HHIPL2: variants seen among roughly 807,000 people sequenced by gnomAD.
HHIPL2 encodes the protein HHIP-like protein 2.
A neutral mutation model predicts 61.0 loss-of-function variants in HHIPL2; 61 were observed. The observed-to-expected ratio is 1.00, with a 90% CI of 0.81 to 1.24. The LOEUF is 1.24. Among genes scored for constraint, HHIPL2 ranks in the 50% most tolerant of loss-of-function variants. The probability of loss-of-function intolerance (pLI) is 0.00; values close to 1 mark genes in which losing one functional copy is unlikely to be tolerated. For synonymous variants in HHIPL2, 343 were observed against 357.4 expected (o/e 0.96, Z 0.45); for missense variants, 885 against 910.2 (o/e 0.97, Z 0.36).
intron 1 of HHIPL2, 100 bp downstream of exon 1, chr1:222,547,624 A>C: frequency 9.9e-7 from 1 of 1,014,622 alleles, no homozygotes; most frequent in Non-Finnish European, 1.5e-6. Flanking sequence ...CCGGCACATG[A>C]ACTTCTAAAG....
At chr1:222,543,515 G>A in intron 2 of HHIPL2, 22 bp downstream of exon 2, 1 of 1,595,018 alleles carries the variant, frequency 6.3e-7, no homozygotes, top group Non-Finnish European at 8.6e-7. Context: ...TACAGCTGTA[G>A]GCTCTCATGA....
intron 5 of HHIPL2, 117 bp from the exon 6 acceptor site, chr1:222,532,228 A>C: frequency 1.2e-6 from 1 of 860,944 alleles, no homozygotes; most frequent in Non-Finnish European, 1.7e-6. Flanking sequence ...TTAAGAGATC[A>C]ATAACTAGCC....
rs1380690456 is a variant in HHIPL2, at chr1:222,522,809, G to A, written c.1967C>T (p.Pro656Leu). Residue 656 changes from proline (P) to leucine (L), a missense_variant, in exon 9 of 9, where the codon CCA (proline) becomes CTA (leucine). Physicochemically the swap from Pro to Leu is moderately conservative, Grantham distance 98 (BLOSUM62 -3). Transcript: ENST00000343410. Reference protein sequence around the residue: ...KSSSATLASGPAQGLSEKGSS... With the variant: ...KSSSATLASGLAQGLSEKGSS... The stretch of plus-strand genomic sequence containing the variant: ...GCCTTTCTCAGACAAACCCTGGGCT[G>A]GGCCAGAAGCTAAGGTTGCACTGGA... The A allele has an allele frequency of 1.2e-6, 2 of 1,614,110 alleles. No individual in the cohort carries two copies. The highest frequency in any genetic ancestry group is 1.7e-5 in the Admixed American group (1 of 60,022).
At position 222,540,298 on chromosome 1, in the gene HHIPL2, C is replaced by A; in HGVS notation, c.1162G>T (p.Ala388Ser). The change falls in exon 4 of 9, where the codon GCA (alanine) becomes TCA (serine). Residue 388 changes from alanine to serine, a missense_variant. Transcript: ENST00000343410. Reference sequence around the variant, plus strand: ...CGGTACCGCTTGCCATGTGAGCCTGCCCTGTTCACATCGATCCTTAAAACT... The same window carrying A: ...CGGTACCGCTTGCCATGTGAGCCTGACCTGTTCACATCGATCCTTAAAACT... Reference protein sequence around the residue: ...GKVLRIDVNRAGSHGKRYRVP... With the variant: ...GKVLRIDVNRSGSHGKRYRVP... The A allele has an allele frequency of 1.9e-6, 3 of 1,613,866 alleles. No individual in the cohort carries two copies. Among genetic ancestry groups the A allele is most frequent in the Non-Finnish European group, 2.5e-6 (3 of 1,179,890 alleles).
intron 5 of HHIPL2, among the ~76,000 whole-genome samples, chr1:222,537,648 A>G (rs1047681066): frequency 9.2e-5 from 14 of 151,404 alleles, no homozygotes; most frequent in African/African-American, 3.1e-4. Flanking sequence ...AAAAAAAAAG[A>G]AAGTAAAAGT....
chr1:222,525,401 C>A (rs562900422), intron 7 of HHIPL2, among the ~76,000 whole-genome samples: 1 of 152,128 alleles, frequency 6.6e-6, no homozygotes, highest in African/African-American at 2.4e-5. Context: ...ATTAAATTCA[C>A]CCCTTGGCTA....
intron 1 of HHIPL2, 118 bp from the exon 2 acceptor site, chr1:222,544,307 A>G (rs1659512351): frequency 9.1e-7 from 1 of 1,104,942 alleles, no homozygotes; most frequent in South Asian, 1.6e-5. Context: ...AGGATTTTGG[A>G]GTTTTTGTTA....
chr1:222,533,347 A>C (rs1659231488), intron 5 of HHIPL2, among the ~76,000 whole-genome samples: 1 of 148,964 alleles, frequency 6.7e-6, no homozygotes, highest in African/African-American at 2.5e-5. Flanking sequence ...CCTGGGTGAC[A>C]GAGGGAGACT....
At position 222,527,043 on chromosome 1, in the gene HHIPL2, C is replaced by G; in HGVS notation, c.1731G>C (p.Leu577=). 6.2e-7 allele frequency: 1 copy of G among 1,612,856 alleles called. No homozygotes were observed. Among genetic ancestry groups the G allele is most frequent in the Non-Finnish European group, 8.5e-7 (1 of 1,179,390 alleles). Residue 577 remains leucine, a synonymous_variant, in exon 7 of 9, where the codon CTG becomes CTC. Coordinates refer to ENST00000343410, the MANE Select transcript of HHIPL2 (RefSeq NM_024746.4). Reference sequence around the variant, plus strand: ...TTGGGTAAGAGGTCGCCAGGAAATACAGCTCCCCTAAGGCAACAAAAATAG... The same window carrying G: ...TTGGGTAAGAGGTCGCCAGGAAATAGAGCTCCCCTAAGGCAACAAAAATAG... ...ISFAEDEAGE[L]YFLATSYPSA... is the part of the protein sequence containing the mutation.
intron 5 of HHIPL2, among the ~76,000 whole-genome samples, chr1:222,533,158 G>C (rs34784304): frequency 0.46 from 70,148 of 151,822 alleles, 17,087 homozygotes; most frequent in East Asian, 0.66. Flanking sequence ...TGAGGCCAGG[G>C]GTTCGAGACC....
At chr1:222,547,055 G>C (rs1449195910) in intron 1 of HHIPL2, among the ~76,000 whole-genome samples, 1 of 152,200 alleles carries the variant, frequency 6.6e-6, no homozygotes, top group Non-Finnish European at 1.5e-5. Context: ...TGTGTGTGCA[G>C]CCTACACCCG....
In HHIPL2 at chr1:222,547,819, G is replaced by A. The variant is rs375371391; in HGVS notation, c.226C>T (p.Arg76Cys). ...SFGCCDQHKD[R>C]RIAARYWDIM... ...TCCCAGTACCGGGCAGCGATGCGGC[G>A]GTCCTTGTGCTGATCACAGCAGCCG... The change falls in exon 1 of 9, where the codon CGC (arginine) becomes TGC (cysteine). Residue 76 changes from arginine to cysteine, a missense_variant. By Grantham distance (180) the Arg-to-Cys change is radical (BLOSUM62 -3). Transcript: ENST00000343410. 19 of 1,614,040 alleles carry A rather than the reference G, an allele frequency of 1.2e-5. No homozygotes were observed. The highest frequency in any genetic ancestry group is 4.4e-5 in the South Asian group (4 of 91,090).
In HHIPL2 at chr1:222,527,364, G is replaced by A. The variant is rs550109893; in HGVS notation, c.1724-314C>T. ...CCTTGCCCTCAGAAACTTCACCTCC[G>A]TGAATCTCCATTTCCTTCCCCACCT... On this transcript the variant is annotated intron_variant, in intron 6 of 8. Coordinates refer to ENST00000343410, the MANE Select transcript of HHIPL2 (RefSeq NM_024746.4). Among the ~76,000 whole-genome samples the A allele has an allele frequency of 2.6e-5, 4 of 152,226 alleles. No homozygotes were observed. In the South Asian group the frequency reaches 6.2e-4, roughly 24 times the overall value.
chr1:222,547,765 G>A lies in HHIPL2; in HGVS notation c.280C>T (p.His94Tyr), dbSNP rs986259355. Residue 94 changes from histidine (H) to tyrosine (Y), a missense_variant, in exon 1 of 9, where the codon CAT becomes TAT. Transcript: ENST00000343410. ...TTAATGTAATCTCCACACAGCTCAT[G>A]TCTCTTCAGATCAAAATATTCCATG... ...DIMEYFDLKR[H>Y]ELCGDYIKDI... 1 of 1,614,186 alleles carries A rather than the reference G, an allele frequency of 6.2e-7. No homozygotes were observed. Among genetic ancestry groups the A allele is most frequent in the Non-Finnish European group, 8.5e-7 (1 of 1,180,030 alleles).
intron 2 of HHIPL2, 104 bp from the exon 3 acceptor site, chr1:222,542,259 A>C (rs999071325): frequency 7.5e-7 from 1 of 1,341,664 alleles, no homozygotes; most frequent in African/African-American, 1.5e-5. Context: ...GAGATTTGCC[A>C]AGCCAGCCAA....
intron 7 of HHIPL2, 139 bp downstream of exon 7, chr1:222,526,830 C>T (rs1659077028): frequency 1.6e-6 from 1 of 644,728 alleles, no homozygotes; most frequent in African/African-American, 1.8e-5. Flanking sequence ...ATGCATTGTC[C>T]TATGCCATTA....
intron 1 of HHIPL2, 142 bp downstream of exon 1, chr1:222,547,582 T>C (rs1659580482): frequency 1.0e-5 from 7 of 674,116 alleles, no homozygotes; most frequent in South Asian, 1.9e-5. Context: ...TCAGTGTGCG[T>C]GTCCAAAGCC....
intron 4 of HHIPL2, 31 bp downstream of exon 4, chr1:222,539,979 C>A: frequency 6.3e-7 from 1 of 1,585,566 alleles, no homozygotes. Flanking sequence ...TCAACTCATC[C>A]AAGAAATCAC....
At chr1:222,527,105 C>G (rs1412540348) in intron 6 of HHIPL2, 55 bp from the exon 7 acceptor site, 4 of 1,364,476 alleles carry the variant, frequency 2.9e-6, no homozygotes, top group African/African-American at 1.4e-5. Flanking sequence ...CACTGAGACA[C>G]AGAGTTGGAT....
Sources: gnomAD v4.1 joint callset for allele counts (sites outside exome capture counted in the v4.1 genomes callset) on GRCh38, gnomAD v4.1.1 for gene constraint, MANE v1.5 for transcripts, NCBI Gene and HGNC (gene_info 2026-07-23, HGNC 2026-07-21) for gene names.